The following TM2D1 variants were observed in gnomAD, a reference collection of about 807,000 sequenced individuals.
TM2D1 encodes TM2 domain containing 1, also known as TM2 domain-containing protein 1.
Under a neutral mutation model 28.4 loss-of-function variants are expected in TM2D1, and 15 were observed. The ratio of observed to expected loss-of-function variants is 0.53; its 90% CI spans 0.35 to 0.81. The LOEUF is 0.81. Ranked by LOEUF, TM2D1 falls within the 40% of genes least tolerant of loss-of-function variation. TM2D1 has a pLI of 0.01. For missense variants in TM2D1, 236 were observed against 254.9 expected (o/e 0.93, Z 0.50); for synonymous variants, 93 against 96.2 (o/e 0.97, Z 0.20).
chr1:61,720,304 T>C (rs1050030568), intron 2 of TM2D1, among the ~76,000 whole-genome samples: 35 of 152,006 alleles, frequency 2.3e-4, no homozygotes, highest in Non-Finnish European at 4.3e-4. Context: ...TGCAGTGGCG[T>C]GACCTCGGCT....
intron 5 of TM2D1, among the ~76,000 whole-genome samples, chr1:61,690,808 C>T (rs1644318593): frequency 6.6e-6 from 1 of 152,116 alleles, no homozygotes; most frequent in South Asian, 2.1e-4. Context: ...CAGTATATAA[C>T]CCAGTGTTAG....
At chr1:61,703,247 G>A (rs1436757607) in intron 3 of TM2D1, among the ~76,000 whole-genome samples, 2 of 147,612 alleles carry the variant, frequency 1.4e-5, no homozygotes, top group Non-Finnish European at 3.0e-5. Context: ...TATTATATAT[G>A]ATCTAAAATA....
intron 3 of TM2D1, among the ~76,000 whole-genome samples, chr1:61,701,555 T>C (rs1570109313): frequency 1.2e-5 from 1 of 81,990 alleles, no homozygotes; most frequent in South Asian, 5.3e-4. Context: ...TAATTCTCTT[T>C]CGTGTGTGTG....
At chr1:61,688,974 T>C (rs1258298858) in intron 5 of TM2D1, among the ~76,000 whole-genome samples, 2 of 151,262 alleles carry the variant, frequency 1.3e-5, no homozygotes, top group Admixed American at 6.6e-5. Flanking sequence ...GAGGTGGAGG[T>C]TGCAGTGAGC....
chr1:61,691,934 T>TATATATATATATATATATATATATGA (rs1644329720), intron 5 of TM2D1, among the ~76,000 whole-genome samples: 1 of 66,424 alleles, frequency 1.5e-5, no homozygotes, highest in Non-Finnish European at 3.0e-5. Flanking sequence ...AAAAAAAAAA[T>TATATATATATATATATATATATATGA]ATATATATAT....
chr1:61,698,104 C>T (rs1166191490), intron 4 of TM2D1: 1 of 152,174 alleles, frequency 6.6e-6, no homozygotes, highest in Non-Finnish European at 1.5e-5. Flanking sequence ...TTGTGTTACG[C>T]ACTGTACCTT....
chr1:61,689,120 G>C (rs7535499), intron 5 of TM2D1, among the ~76,000 whole-genome samples: 2,786 of 152,240 alleles, frequency 0.018, 89 homozygotes, highest in African/African-American at 0.065. Context: ...CACCTTTCCA[G>C]CATTGGTAGT....
chr1:61,690,029 C>T (rs1644312394), intron 5 of TM2D1, among the ~76,000 whole-genome samples: 2 of 152,184 alleles, frequency 1.3e-5, no homozygotes, highest in Non-Finnish European at 2.9e-5. Context: ...TTACCCTTTA[C>T]ACCATGTGGG....
intron 2 of TM2D1, among the ~76,000 whole-genome samples, chr1:61,719,350 T>G (rs1375346646): frequency 6.6e-6 from 1 of 151,758 alleles, no homozygotes; most frequent in Non-Finnish European, 1.5e-5. Flanking sequence ...ACATCTGACC[T>G]GGAACATCTC....
chr1:61,713,857 T>G (rs1373204128), intron 2 of TM2D1, among the ~76,000 whole-genome samples: 2 of 151,674 alleles, frequency 1.3e-5, no homozygotes, highest in Non-Finnish European at 2.9e-5. Context: ...CAGGTTTCTG[T>G]ACAAAACTTT....
At chr1:61,682,693 A>G (rs1890264) in intron 6 of TM2D1, among the ~76,000 whole-genome samples, 151,746 of 152,132 alleles carry the variant, frequency 1, 75,681 homozygotes, top group Middle Eastern at 1. Flanking sequence ...TGAAGAGTTC[A>G]AGACTAGCCT....
intron 4 of TM2D1, chr1:61,698,171 G>A (rs973612305): frequency 3.3e-5 from 5 of 151,674 alleles, no homozygotes; most frequent in African/African-American, 1.2e-4. Flanking sequence ...AGTTTTTTTT[G>A]ATATTCATAT....
chr1:61,681,625 C>T (rs575873882), intron 6 of TM2D1, among the ~76,000 whole-genome samples: 3 of 152,286 alleles, frequency 2.0e-5, no homozygotes, highest in African/African-American at 4.8e-5. Context: ...CTTAAAATTA[C>T]ATTTGCTTAA....
intron 5 of TM2D1, among the ~76,000 whole-genome samples, chr1:61,689,915 CTATGT>C (rs1432536451): frequency 6.6e-6 from 1 of 152,062 alleles, no homozygotes; most frequent in Non-Finnish European, 1.5e-5. Context: ...TACAAAATTC[CTATGT>C]TGAAGTCTAA....
intron 5 of TM2D1, among the ~76,000 whole-genome samples, chr1:61,689,859 G>A (rs965275529): frequency 2.6e-5 from 4 of 152,084 alleles, no homozygotes; most frequent in African/African-American, 9.7e-5. Context: ...GTGACACTGT[G>A]CAATTCAGGA....
chr1:61,690,261 A>T (rs1644313895), intron 5 of TM2D1, among the ~76,000 whole-genome samples: 1 of 152,142 alleles, frequency 6.6e-6, no homozygotes, highest in Admixed American at 6.6e-5. Context: ...GTTCAAGACC[A>T]GCCTGGCCAA....
chr1:61,717,337 C>T (rs1304465849), intron 2 of TM2D1, among the ~76,000 whole-genome samples: 1 of 151,318 alleles, frequency 6.6e-6, no homozygotes, highest in Admixed American at 6.6e-5. Flanking sequence ...CACTGCACTC[C>T]AGCCTGGGAA....
chr1:61,702,923 C>T (rs1452138196), intron 3 of TM2D1, among the ~76,000 whole-genome samples: 8 of 151,002 alleles, frequency 5.3e-5, no homozygotes, highest in African/African-American at 1.9e-4. Context: ...CTGGCCAACA[C>T]GGTAAAACCC....
chr1:61,705,104 G>A (rs1391994667), intron 3 of TM2D1, among the ~76,000 whole-genome samples: 4 of 152,124 alleles, frequency 2.6e-5, no homozygotes, highest in Non-Finnish European at 4.4e-5. Flanking sequence ...GGCTGGGAAG[G>A]GAAATGAAAT....
Sources: allele counts gnomAD v4.1 joint callset (sites outside exome capture counted in the v4.1 genomes callset), GRCh38; gene constraint gnomAD v4.1.1; transcripts MANE v1.5; gene names NCBI Gene and HGNC (gene_info 2026-07-23, HGNC 2026-07-21).